The following ROBO2 variants were observed in gnomAD, a reference collection of about 807,000 sequenced individuals.
ROBO2 encodes the protein roundabout homolog 2.
ROBO2 carries 53 observed loss-of-function variants against 160.8 expected under a neutral mutation model. That is an observed-to-expected ratio of 0.33 (90% CI 0.26 to 0.41). The LOEUF (loss-of-function observed/expected upper bound fraction) is 0.41, where lower values mean the gene tolerates loss of function less well. Among genes scored for constraint, ROBO2 ranks in the 10% least tolerant of loss-of-function variants. The pLI, the probability that ROBO2 is intolerant of heterozygous loss-of-function variation, is 1.00. For missense variants in ROBO2, 1,577 were observed against 1,722.4 expected (o/e 0.92, Z 1.49); for synonymous variants, 664 against 611.7 (o/e 1.09, Z -1.26).
chr3:76,819,407 C>G (rs2065934829), intron 2 of ROBO2, among the ~76,000 whole-genome samples: 1 of 152,044 alleles, frequency 6.6e-6, no homozygotes, highest in Non-Finnish European at 1.5e-5. Flanking sequence ...TGTTAAGCTA[C>G]TGGGCTTTAT....
chr3:76,629,377 A>G (rs1179963903), intron 2 of ROBO2, among the ~76,000 whole-genome samples: 1 of 152,172 alleles, frequency 6.6e-6, no homozygotes, highest in East Asian at 1.9e-4. Flanking sequence ...GTGTTGATTC[A>G]CATAATCACA....
At chr3:76,651,176 G>A (rs753072746) in intron 2 of ROBO2, among the ~76,000 whole-genome samples, 2 of 152,170 alleles carry the variant, frequency 1.3e-5, no homozygotes, top group Non-Finnish European at 2.9e-5. Flanking sequence ...TCAGGGGTCT[G>A]TATCTGTCCA....
At chr3:76,104,646 G>T (rs2069843457) in intron 2 of ROBO2, among the ~76,000 whole-genome samples, 1 of 145,844 alleles carries the variant, frequency 6.9e-6, no homozygotes, top group Admixed American at 6.7e-5. Flanking sequence ...AGTAAATGAT[G>T]AATTATGTAA....
intron 2 of ROBO2, among the ~76,000 whole-genome samples, chr3:77,305,214 G>T (rs2062997445): frequency 6.6e-6 from 1 of 152,154 alleles, no homozygotes; most frequent in South Asian, 2.1e-4. Flanking sequence ...CTTCAAGTGT[G>T]GCTGTTAAAA....
chr3:76,363,142 C>A (rs990170219), intron 2 of ROBO2, among the ~76,000 whole-genome samples: 1 of 151,840 alleles, frequency 6.6e-6, no homozygotes, highest in Non-Finnish European at 1.5e-5. Flanking sequence ...AGGTAGCACT[C>A]GATAAAATTT....
intron 8 of ROBO2, among the ~76,000 whole-genome samples, chr3:77,556,972 C>T (rs1014863489): frequency 1.3e-5 from 2 of 151,798 alleles, no homozygotes; most frequent in Non-Finnish European, 2.9e-5. Context: ...ATATGGTGAT[C>T]TTCTAATGAA....
chr3:77,326,676 A>G (rs1255321452), intron 2 of ROBO2, among the ~76,000 whole-genome samples: 1 of 152,176 alleles, frequency 6.6e-6, no homozygotes, highest in East Asian at 1.9e-4. Context: ...GTGATTCTCT[A>G]ATTCGAGCTC....
intron 2 of ROBO2, among the ~76,000 whole-genome samples, chr3:75,987,949 C>T (rs1414470358): frequency 2.6e-5 from 4 of 151,532 alleles, no homozygotes; most frequent in African/African-American, 9.7e-5. Flanking sequence ...AGGATTTTTG[C>T]GTTGATATTC....
intron 2 of ROBO2, among the ~76,000 whole-genome samples, chr3:75,991,733 G>A: frequency 6.6e-6 from 1 of 152,090 alleles, no homozygotes; most frequent in East Asian, 1.9e-4. Context: ...GGGCTCAAAA[G>A]TCAGGACAAT....
intron 24 of ROBO2, among the ~76,000 whole-genome samples, chr3:77,640,364 T>C (rs2095333151): frequency 1.3e-5 from 2 of 152,126 alleles, no homozygotes; most frequent in Non-Finnish European, 2.9e-5. Flanking sequence ...CCGCCCGCCT[T>C]GGCCTCCCAA....
rs7647400 is a variant in ROBO2 at position 76,035,422 on chromosome 3, G to T, written c.109+97820G>T. On this transcript the variant is annotated intron_variant, in intron 2 of 26. Coordinates refer to the ROBO2 transcript ENST00000487694. The stretch of plus-strand genomic sequence containing the variant: ...AGAACTCATGTATGATTCTCTGTTT[G>T]TTTGTTTGTTTTTTTAATTAAGACT... Among the ~76,000 whole-genome samples the T allele has an allele frequency of 7.7e-5, 9 of 117,316 alleles. 1 individual carries two copies. Among genetic ancestry groups the T allele is most frequent in the Admixed American group, 4.7e-4 (6 of 12,810 alleles). The allele number at this position is 117,316 out of a possible 152,430, so 77.0% of individuals were successfully genotyped here.
At chr3:76,622,974 C>A (rs2089336170) in intron 2 of ROBO2, among the ~76,000 whole-genome samples, 1 of 152,186 alleles carries the variant, frequency 6.6e-6, no homozygotes, top group Non-Finnish European at 1.5e-5. Context: ...CCATGCTCCA[C>A]AGATCTTGCA....
At chr3:76,923,600 GGCTCATTGGCCAA>G (rs1332296751) in intron 2 of ROBO2, among the ~76,000 whole-genome samples, 1 of 152,186 alleles carries the variant, frequency 6.6e-6, no homozygotes, top group Non-Finnish European at 1.5e-5. Flanking sequence ...GAATTCTTCT[GGCTCATTGGCCAA>G]GCTCATTGGC....
At chr3:77,311,868 C>G (rs1241990873) in intron 2 of ROBO2, among the ~76,000 whole-genome samples, 1 of 152,134 alleles carries the variant, frequency 6.6e-6, no homozygotes, top group Non-Finnish European at 1.5e-5. Flanking sequence ...GGGCAGATCA[C>G]TTGAGGTCAG....
intron 2 of ROBO2, among the ~76,000 whole-genome samples, chr3:76,709,280 T>C (rs1560420396): frequency 2.0e-5 from 3 of 152,210 alleles, no homozygotes; most frequent in Admixed American, 6.5e-5. Flanking sequence ...GCTATTGGCA[T>C]TGGTTCAGCA....
intron 2 of ROBO2, among the ~76,000 whole-genome samples, chr3:76,176,894 T>G (rs574753315): frequency 4.0e-4 from 61 of 152,238 alleles, no homozygotes; most frequent in African/African-American, 1.3e-3. Flanking sequence ...AGTTAAATGA[T>G]TCTGTAAAAC....
chr3:77,345,076 TA>T (rs143924681), intron 2 of ROBO2, among the ~76,000 whole-genome samples: 67 of 151,854 alleles, frequency 4.4e-4, no homozygotes, highest in African/African-American at 1.5e-3. Context: ...GAAACACCCT[TA>T]AAAAAAACCG....
Position 77,321,466 on chromosome 3 carries a change from G to A in ROBO2, c.389-155948G>A, listed in dbSNP as rs1299189267. 2.6e-5 allele frequency among the ~76,000 whole-genome samples: 4 copies of A among 152,044 alleles called. No homozygotes were observed. The East Asian group carries it at 7.7e-4, about 29-fold the overall frequency. ...CAGGAGTTCGAAGCTGCAGTGAGCTGTGATTATGCCACTTCACTCTCCAGC... is the reference window on the plus strand; with the variant it reads ...CAGGAGTTCGAAGCTGCAGTGAGCTATGATTATGCCACTTCACTCTCCAGC... On this transcript the variant is annotated intron_variant, in intron 2 of 25. Coordinates refer to ENST00000461745, the Ensembl canonical transcript of ROBO2.
chr3:76,193,309 G>A (rs1302394476), intron 2 of ROBO2, among the ~76,000 whole-genome samples: 1 of 152,038 alleles, frequency 6.6e-6, no homozygotes, highest in East Asian at 1.9e-4. Flanking sequence ...CTAGCTACTA[G>A]ATAACTTTAC....
Sources: gnomAD v4.1 joint callset for allele counts (sites outside exome capture counted in the v4.1 genomes callset) on GRCh38, gnomAD v4.1.1 for gene constraint, MANE v1.5 for transcripts, NCBI Gene and HGNC (gene_info 2026-07-23, HGNC 2026-07-21) for gene names.